DCDC2: variants seen among roughly 807,000 people sequenced by gnomAD.
DCDC2 encodes doublecortin domain-containing protein 2.
A neutral mutation model predicts 50.2 loss-of-function variants in DCDC2; 40 were observed. That is an observed-to-expected ratio of 0.80 (90% CI 0.62 to 1.04). DCDC2 has a LOEUF of 1.04. DCDC2 is among the 50% of genes least tolerant of loss of function. The pLI, the probability that DCDC2 is intolerant of heterozygous loss-of-function variation, is 0.00. For synonymous variants in DCDC2, 234 were observed against 210.6 expected (o/e 1.11, Z -0.96); for missense variants, 570 against 581.9 (o/e 0.98, Z 0.21).
chr6:24,189,981 T>C (rs982973550), intron 8 of DCDC2, among the ~76,000 whole-genome samples: 2 of 151,960 alleles, frequency 1.3e-5, no homozygotes, highest in African/African-American at 4.8e-5. Context: ...CCTATCCAAG[T>C]TGAATGAGGT....
At chr6:24,200,013 A>G (rs979812114) in intron 8 of DCDC2, among the ~76,000 whole-genome samples, 7 of 152,208 alleles carry the variant, frequency 4.6e-5, no homozygotes, top group Admixed American at 4.6e-4. Flanking sequence ...GACTATGTGA[A>G]AAGACCAAAC....
chr6:24,183,729 C>G (rs879189712), intron 8 of DCDC2, among the ~76,000 whole-genome samples: 1 of 152,178 alleles, frequency 6.6e-6, no homozygotes, highest in South Asian at 2.1e-4. Context: ...TGAGAGTTCC[C>G]GGCATTCGGA....
At chr6:24,335,893 A>G (rs1581658596) in intron 2 of DCDC2, among the ~76,000 whole-genome samples, 1 of 152,116 alleles carries the variant, frequency 6.6e-6, no homozygotes, top group Non-Finnish European at 1.5e-5. Flanking sequence ...CACCCTCCAC[A>G]TGTGAGGATT....
the DCDC2 span, chr6:24,365,714 G>A: frequency 6.6e-6 from 1 of 152,170 alleles, no homozygotes; most frequent in South Asian, 2.1e-4. Context: ...AAGTTCCTGT[G>A]TAAGGATGAC....
chr6:24,212,653 A>T (rs958419681), intron 7 of DCDC2, among the ~76,000 whole-genome samples: 1 of 152,246 alleles, frequency 6.6e-6, no homozygotes, highest in Admixed American at 6.5e-5. Context: ...GTGAAGGATC[A>T]AATTCAATGC....
intron 8 of DCDC2, among the ~76,000 whole-genome samples, chr6:24,186,589 T>C (rs1252445551): frequency 6.6e-6 from 1 of 152,234 alleles, no homozygotes; most frequent in Non-Finnish European, 1.5e-5. Context: ...GGCCAACCTC[T>C]AATCTATAAC....
intron 2 of DCDC2, among the ~76,000 whole-genome samples, chr6:24,329,919 A>T (rs1011845739): frequency 2.0e-5 from 3 of 152,186 alleles, no homozygotes; most frequent in South Asian, 2.1e-4. Flanking sequence ...CTGGAGGAAA[A>T]ACACATTTAT....
chr6:24,312,515 G>A (rs895514622), intron 2 of DCDC2, among the ~76,000 whole-genome samples: 5 of 152,070 alleles, frequency 3.3e-5, no homozygotes, highest in African/African-American at 1.2e-4. Context: ...TAGAGAATAT[G>A]TCTTTAATTA....
intron 7 of DCDC2, among the ~76,000 whole-genome samples, chr6:24,259,168 C>T (rs562300515): frequency 6.6e-6 from 1 of 151,418 alleles, no homozygotes; most frequent in Non-Finnish European, 1.5e-5. Flanking sequence ...ATCCAAAGCT[C>T]GGAGAATTTT....
chr6:24,254,429 C>T (rs1216259444), intron 7 of DCDC2, among the ~76,000 whole-genome samples: 1 of 152,140 alleles, frequency 6.6e-6, no homozygotes, highest in Non-Finnish European at 1.5e-5. Context: ...ACCACAAACA[C>T]ATGACTAATG....
At chr6:24,184,312 C>T (rs775952027) in intron 8 of DCDC2, among the ~76,000 whole-genome samples, 3 of 152,186 alleles carry the variant, frequency 2.0e-5, no homozygotes, top group Non-Finnish European at 4.4e-5. Context: ...GTGGCTCACG[C>T]TTGTAATCCT....
chr6:24,283,250 T>C lies in DCDC2; in HGVS notation c.760-5039A>G, dbSNP rs139428285. ...TTTATTTACATCTTCCTTTTGTTTT[T>C]AAGGCTAGAATCACAACTTAAAATT... On this transcript the variant is annotated intron_variant, in intron 6 of 9. Transcript: ENST00000378454. 1.5e-4 allele frequency among the ~76,000 whole-genome samples: 23 copies of C among 152,334 alleles called. No individual in the cohort carries two copies. The East Asian group carries it at 4.2e-3, about 28-fold the overall frequency.
intron 7 of DCDC2, among the ~76,000 whole-genome samples, chr6:24,265,283 T>C (rs202172964): frequency 3.5e-4 from 53 of 152,096 alleles, no homozygotes; most frequent in Non-Finnish European, 5.6e-4. Context: ...AAGCAAATAT[T>C]ATTAAAGAGA....
rs190646788 is a variant in DCDC2 at position 24,262,793 on chromosome 6, A to C, written c.922+15256T>G. Among the ~76,000 whole-genome samples the C allele has an allele frequency of 3.7e-3, 562 of 152,300 alleles. 3 individuals are homozygous for C. The highest frequency in any genetic ancestry group is 0.012 in the African/African-American group (503 of 41,582). On this transcript the variant is annotated intron_variant, in intron 7 of 9. Transcript: ENST00000378454. ...CCCACCTTGGGCCAGCAGGGAGAAA[A>C]GCTTATTGCCTTGAAGGGAAGGACA...
At chr6:24,318,182 C>A (rs189543966) in intron 2 of DCDC2, among the ~76,000 whole-genome samples, 51 of 146,866 alleles carry the variant, frequency 3.5e-4, no homozygotes, top group African/African-American at 1.1e-3. Flanking sequence ...ACAAATGAGA[C>A]AAAAATACAT....
At chr6:24,231,994 CATAT>C (rs755739865) in intron 7 of DCDC2, among the ~76,000 whole-genome samples, 3,310 of 113,164 alleles carry the variant, frequency 0.029, 121 homozygotes, top group African/African-American at 0.078. Context: ...TTAGTAATTT[CATAT>C]ATATATACAC....
At chr6:24,179,777 A>AC (rs1440863631) in intron 8 of DCDC2, among the ~76,000 whole-genome samples, 1 of 148,374 alleles carries the variant, frequency 6.7e-6, no homozygotes, top group African/African-American at 2.5e-5. Flanking sequence ...ACACGGTGAA[A>AC]CCCCATCTCT....
chr6:24,242,234 C>T (rs1276418672), intron 7 of DCDC2, among the ~76,000 whole-genome samples: 2 of 152,076 alleles, frequency 1.3e-5, no homozygotes, highest in East Asian at 3.9e-4. Flanking sequence ...TATTTAGTGG[C>T]ACCTGCATTA....
intron 2 of DCDC2, among the ~76,000 whole-genome samples, chr6:24,305,292 T>C (rs2113840823): frequency 6.6e-6 from 1 of 152,304 alleles, no homozygotes; most frequent in South Asian, 2.1e-4. Flanking sequence ...GTTCCCCAAA[T>C]GTTCATGATT....
Sources: gnomAD v4.1 joint callset for allele counts (sites outside exome capture counted in the v4.1 genomes callset) on GRCh38, gnomAD v4.1.1 for gene constraint, MANE v1.5 for transcripts, NCBI Gene and HGNC (gene_info 2026-07-23, HGNC 2026-07-21) for gene names.